JADE3: variants seen among roughly 807,000 people sequenced by gnomAD.
JADE3 encodes protein Jade-3.
JADE3 carries 2 observed loss-of-function variants against 50.1 expected under a neutral mutation model. The ratio of observed to expected loss-of-function variants is 0.04; its 90% CI spans 0.02 to 0.13. The LOEUF (loss-of-function observed/expected upper bound fraction) is 0.13, where lower values mean the gene tolerates loss of function less well. JADE3 is among the 10% of genes least tolerant of loss of function. JADE3 has a pLI of 1.00. For synonymous variants in JADE3, 218 were observed against 232.9 expected, an observed-to-expected ratio of 0.94 and a Z score of 0.58; for missense variants, 475 against 634.4, an observed-to-expected ratio of 0.75 and a Z score of 2.70.
intron 3 of JADE3, among the ~76,000 whole-genome samples, chrX:46,988,173 T>G (rs1181901043): frequency 8.9e-6 from 1 of 111,955 alleles, no homozygotes; most frequent in African/African-American, 3.3e-5. Context: ...TACCCCACCC[T>G]GTGACACTAC....
intron 1 of JADE3, among the ~76,000 whole-genome samples, chrX:46,973,770 C>T (rs1369677269): frequency 8.9e-6 from 1 of 112,608 alleles, no homozygotes; most frequent in Admixed American, 9.4e-5. Flanking sequence ...ACATTTATAG[C>T]ATTCATGACT....
At chrX:46,990,267 A>G (rs1927956680) in intron 3 of JADE3, among the ~76,000 whole-genome samples, 1 of 111,183 alleles carries the variant, frequency 9.0e-6, no homozygotes, top group African/African-American at 3.3e-5. Context: ...CTTTTTTAGT[A>G]TTATGTCATT....
chrX:47,022,357 C>G (rs1928814147), intron 4 of JADE3, among the ~76,000 whole-genome samples: 1 of 111,927 alleles, frequency 8.9e-6, no homozygotes, highest in African/African-American at 3.2e-5. Context: ...CTGCATTTTT[C>G]CTCAAATATT....
At chrX:47,013,520 A>G (rs1928607879) in intron 4 of JADE3, among the ~76,000 whole-genome samples, 1 of 112,322 alleles carries the variant, frequency 8.9e-6, no homozygotes, top group Non-Finnish European at 1.9e-5. Context: ...CATCAAGGTC[A>G]AGACACTTTT....
At chrX:46,915,053 C>T (rs1385830631) in intron 1 of JADE3, among the ~76,000 whole-genome samples, 1 of 112,207 alleles carries the variant, frequency 8.9e-6, no homozygotes, top group Non-Finnish European at 1.9e-5. Flanking sequence ...CCAACCATAA[C>T]AACCCATTTT....
At chrX:46,967,110 G>T (rs1409478123) in intron 1 of JADE3, among the ~76,000 whole-genome samples, 1 of 112,442 alleles carries the variant, frequency 8.9e-6, no homozygotes, top group East Asian at 2.8e-4. Context: ...AAGTTAATGA[G>T]TTATTCTGTG....
intron 1 of JADE3, among the ~76,000 whole-genome samples, chrX:46,941,529 C>CG (rs1926758027): frequency 8.9e-6 from 1 of 111,775 alleles, no homozygotes; most frequent in South Asian, 3.7e-4. Flanking sequence ...TCAACAGTGT[C>CG]TAAGTTCCTT....
intron 5 of JADE3, 113 bp downstream of exon 5, chrX:47,025,027 T>C: frequency 4.7e-6 from 2 of 421,216 alleles, no homozygotes; most frequent in South Asian, 9.5e-5. Context: ...TCTGGCCTTT[T>C]CATTTATTTT....
chrX:47,010,606 T>C, intron 4 of JADE3, among the ~76,000 whole-genome samples: 1 of 111,776 alleles, frequency 8.9e-6, no homozygotes, highest in Non-Finnish European at 1.9e-5. Flanking sequence ...CACAGAGTTA[T>C]ACAATCATCA....
intron 6 of JADE3, among the ~76,000 whole-genome samples, chrX:47,031,049 C>CAA (rs370049910): frequency 2.2e-5 from 2 of 92,946 alleles, no homozygotes; most frequent in African/African-American, 7.8e-5. Flanking sequence ...GACTCCATCT[C>CAA]AAAAAAAAAA....
chrX:46,927,504 A>G (rs1602371655), intron 1 of JADE3, among the ~76,000 whole-genome samples: 2 of 112,160 alleles, frequency 1.8e-5, no homozygotes, highest in Admixed American at 1.9e-4. Context: ...CAGATGCCCA[A>G]GTTTGGTGGT....
intron 4 of JADE3, among the ~76,000 whole-genome samples, chrX:47,002,694 A>G (rs1176886065): frequency 9.1e-6 from 1 of 109,903 alleles, no homozygotes; most frequent in Non-Finnish European, 1.9e-5. Context: ...AAAAAAAAAA[A>G]AAAGAGGTTC....
At chrX:46,984,328 A>G (rs943520550) in intron 1 of JADE3, among the ~76,000 whole-genome samples, 4 of 112,171 alleles carry the variant, frequency 3.6e-5, no homozygotes, top group Admixed American at 9.5e-5. Flanking sequence ...TAGTGTATAT[A>G]TAATTTTGAC....
At chrX:46,948,822 G>T (rs936167199) in intron 1 of JADE3, among the ~76,000 whole-genome samples, 1 of 111,751 alleles carries the variant, frequency 8.9e-6, no homozygotes, top group African/African-American at 3.3e-5. Flanking sequence ...TTCTTCTACC[G>T]CAGGGGTTAC....
chrX:46,957,885 A>G (rs782407729), intron 1 of JADE3, among the ~76,000 whole-genome samples: 5 of 112,151 alleles, frequency 4.5e-5, no homozygotes, highest in Non-Finnish European at 9.4e-5. Context: ...TTGCTTTTAT[A>G]AACAGTTCTA....
chrX:47,001,110 A>G (rs1449459935), intron 4 of JADE3, among the ~76,000 whole-genome samples: 1 of 112,116 alleles, frequency 8.9e-6, no homozygotes, highest in Non-Finnish European at 1.9e-5. Context: ...TTCCTTAATG[A>G]AATCCTTAAC....
intron 1 of JADE3, among the ~76,000 whole-genome samples, chrX:46,922,767 T>G (rs781946927): frequency 9.0e-6 from 1 of 111,631 alleles, no homozygotes; most frequent in Admixed American, 9.6e-5. Context: ...TTAGAGTCTT[T>G]AAGATATTAA....
chrX:46,948,440 T>G (rs1926930248), intron 1 of JADE3, among the ~76,000 whole-genome samples: 1 of 112,230 alleles, frequency 8.9e-6, no homozygotes, highest in South Asian at 3.7e-4. Flanking sequence ...ATGCCTGTAT[T>G]CTCCCTGCAT....
chrX:46,997,416 G>A (rs781850141), intron 3 of JADE3, among the ~76,000 whole-genome samples: 1 of 111,897 alleles, frequency 8.9e-6, no homozygotes, highest in East Asian at 2.8e-4. Context: ...TACTCAGGAG[G>A]CTGAGGTGGG....
Sources: gnomAD v4.1 joint callset for allele counts (sites outside exome capture counted in the v4.1 genomes callset) on GRCh38, gnomAD v4.1.1 for gene constraint, MANE v1.5 for transcripts, NCBI Gene and HGNC (gene_info 2026-07-23, HGNC 2026-07-21) for gene names.